Variants in EPB41L2 observed in about 807,000 individuals in gnomAD.
EPB41L2 encodes band 4.1-like protein 2.
In EPB41L2, 43 loss-of-function variants were observed where a neutral mutation model predicts 113.0. The ratio of observed to expected loss-of-function variants is 0.38; its 90% CI spans 0.30 to 0.49. EPB41L2 has a LOEUF of 0.49. Ranked by LOEUF, EPB41L2 falls within the 20% of genes least tolerant of loss-of-function variation. The pLI, the probability that EPB41L2 is intolerant of heterozygous loss-of-function variation, is 0.95. For synonymous variants in EPB41L2, 442 were observed against 436.7 expected (o/e 1.01, Z -0.15); for missense variants, 1,147 against 1,223.4 (o/e 0.94, Z 0.93).
chr6:131,001,046 C>T (rs1784252626), intron 1 of EPB41L2, among the ~76,000 whole-genome samples: 1 of 152,132 alleles, frequency 6.6e-6, no homozygotes, highest in Non-Finnish European at 1.5e-5. Flanking sequence ...TGAGATCCCG[C>T]TCTAGCAACA....
chr6:130,885,065 T>TAA, intron 12 of EPB41L2, 31 bp downstream of exon 12: 1 of 1,611,346 alleles, frequency 6.2e-7, no homozygotes, highest in South Asian at 1.1e-5. Flanking sequence ...AGTAAATGTT[T>TAA]AAAACCACAT....
chr6:130,882,366 A>G (rs1327994747), intron 12 of EPB41L2: 1 of 152,526 alleles, frequency 6.6e-6, no homozygotes, highest in Admixed American at 6.5e-5. Flanking sequence ...CTCATGCACT[A>G]AAATATTGTG....
chr6:131,022,344 G>A (rs774519325), intron 1 of EPB41L2, among the ~76,000 whole-genome samples: 5 of 152,102 alleles, frequency 3.3e-5, no homozygotes, highest in Non-Finnish European at 7.4e-5. Context: ...ACATGGTAAC[G>A]TGACACTGCA....
At chr6:130,865,945 A>C (rs941466802) in intron 16 of EPB41L2, 1 of 250,418 alleles carries the variant, frequency 4.0e-6, no homozygotes, top group Non-Finnish European at 7.6e-6. Flanking sequence ...AAGCTAGAAA[A>C]TGAAACTAGA....
intron 14 of EPB41L2, chr6:130,876,690 G>T (rs1787669602): frequency 1.5e-6 from 2 of 1,303,928 alleles, no homozygotes; most frequent in Non-Finnish European, 2.0e-6. Context: ...CGTCTCCTGA[G>T]CTTTTTCTTC....
chr6:130,853,653 C>T (rs867580537), intron 19 of EPB41L2, among the ~76,000 whole-genome samples: 1 of 152,142 alleles, frequency 6.6e-6, no homozygotes, highest in Non-Finnish European at 1.5e-5. Flanking sequence ...GGAGGTTCGT[C>T]CTCTGCAGGT....
At chr6:130,990,342 G>C (rs1372642468) in intron 1 of EPB41L2, among the ~76,000 whole-genome samples, 1 of 151,656 alleles carries the variant, frequency 6.6e-6, no homozygotes, top group Non-Finnish European at 1.5e-5. Flanking sequence ...GCCAATAGTG[G>C]AAAGACAAAA....
At chr6:130,863,935 C>T (rs1782919543) in intron 17 of EPB41L2, among the ~76,000 whole-genome samples, 1 of 152,078 alleles carries the variant, frequency 6.6e-6, no homozygotes, top group Admixed American at 6.5e-5. Context: ...CACAAGTATC[C>T]CTCAGCTGAG....
rs74940526 is a variant in EPB41L2, at chr6:130,914,582, G to A, written c.811-5719C>T. 0.011 allele frequency among the ~76,000 whole-genome samples: 1,720 copies of A among 152,178 alleles called. 184 individuals carry two copies. The East Asian group carries it at 0.26, about 23-fold the overall frequency. ...CTCTTTGTCCATGGACAACTGCCCA[G>A]AACATCCTAAAACATTCTCCAGGGA... is the stretch of plus-strand genomic sequence containing the variant. On this transcript the variant is annotated intron_variant, in intron 4 of 19. Coordinates refer to ENST00000337057, the MANE Select transcript of EPB41L2 (RefSeq NM_001431.4).
At chr6:130,886,086 C>T (rs748232678) in intron 11 of EPB41L2, among the ~76,000 whole-genome samples, 8 of 152,296 alleles carry the variant, frequency 5.3e-5, no homozygotes, top group Middle Eastern at 3.4e-3. Flanking sequence ...AACAGAACTA[C>T]CACAAGGTCA....
chr6:131,054,952 T>C (rs1470636746), intron 1 of EPB41L2, among the ~76,000 whole-genome samples: 2 of 152,228 alleles, frequency 1.3e-5, no homozygotes, highest in Non-Finnish European at 2.9e-5. Flanking sequence ...AGAAACACTG[T>C]GCTTTGGGCA....
At chr6:130,963,107 A>C (rs1774033332) in intron 1 of EPB41L2, among the ~76,000 whole-genome samples, 1 of 136,722 alleles carries the variant, frequency 7.3e-6, no homozygotes, top group Admixed American at 7.4e-5. Context: ...GAAGAGGACC[A>C]GCTCCTTGAT....
rs530892136 is a variant in EPB41L2, at chr6:131,047,858, T to C, written c.-15+15297A>G. ...GGAGGAAGAAAAGAAAAAAGAAAAA[T>C]CGGCTGGGCGCGGTGGCTCATGCCT... On this transcript the variant is annotated intron_variant, in intron 1 of 19. Coordinates refer to ENST00000337057, the MANE Select transcript of EPB41L2 (RefSeq NM_001431.4). Among the ~76,000 whole-genome samples the C allele has an allele frequency of 2.4e-3, 371 of 151,766 alleles. 4 individuals carry two copies. Among genetic ancestry groups the C allele is most frequent in the African/African-American group, 8.8e-3 (362 of 41,358 alleles).
chr6:130,857,995 G>A, intron 19 of EPB41L2, 136 bp downstream of exon 19: 3 of 702,340 alleles, frequency 4.3e-6, no homozygotes, highest in Non-Finnish European at 7.7e-6. Flanking sequence ...ATGCACCTGG[G>A]GATGATAACA....
intron 11 of EPB41L2, among the ~76,000 whole-genome samples, chr6:130,889,997 A>G (rs1380763729): frequency 6.6e-6 from 1 of 152,186 alleles, no homozygotes; most frequent in East Asian, 1.9e-4. Flanking sequence ...AGCATATGTC[A>G]GTGCTCAAAG....
intron 1 of EPB41L2, among the ~76,000 whole-genome samples, chr6:130,975,187 T>C (rs1053205717): frequency 6.6e-6 from 1 of 152,224 alleles, no homozygotes; most frequent in African/African-American, 2.4e-5. Flanking sequence ...CAAACATTGT[T>C]ATTATATGAA....
At chr6:131,036,193 G>C (rs543363947) in intron 1 of EPB41L2, among the ~76,000 whole-genome samples, 1 of 152,250 alleles carries the variant, frequency 6.6e-6, no homozygotes, top group Admixed American at 6.5e-5. Flanking sequence ...TAGGCAAAGT[G>C]AAAGGAGGAA....
chr6:131,059,445 G>A (rs1798256202), intron 1 of EPB41L2, among the ~76,000 whole-genome samples: 1 of 152,176 alleles, frequency 6.6e-6, no homozygotes, highest in African/African-American at 2.4e-5. Context: ...TAGCTAACTT[G>A]GAGGCCATTT....
intron 3 of EPB41L2, among the ~76,000 whole-genome samples, chr6:130,937,733 T>C (rs1031397666): frequency 6.6e-6 from 1 of 151,284 alleles, no homozygotes; most frequent in African/African-American, 2.5e-5. Flanking sequence ...GCAGAATTGC[T>C]TGAACCAGGA....
Sources: gnomAD v4.1 joint callset for allele counts (sites outside exome capture counted in the v4.1 genomes callset) on GRCh38, gnomAD v4.1.1 for gene constraint, MANE v1.5 for transcripts, NCBI Gene and HGNC (gene_info 2026-07-23, HGNC 2026-07-21) for gene names.